PRDM14: variants seen among roughly 807,000 people sequenced by gnomAD.
The protein encoded by PRDM14 is PR/SET domain 14, also known as PR domain zinc finger protein 14.
PRDM14 carries 16 observed loss-of-function variants against 48.0 expected under a neutral mutation model. That is an observed-to-expected ratio of 0.33 (90% confidence interval 0.23 to 0.51). The LOEUF (loss-of-function observed/expected upper bound fraction) is 0.51, where lower values mean the gene tolerates loss of function less well. PRDM14 is among the 20% of genes least tolerant of loss of function. The pLI is 0.97. For synonymous variants in PRDM14, 264 were observed against 276.6 expected (o/e 0.95, Z 0.45); for missense variants, 566 against 719.6 (o/e 0.79, Z 2.44).
chr8:70,069,116 C>T, intron 2 of PRDM14, 45 bp downstream of exon 2: 1 of 1,410,966 alleles, frequency 7.1e-7, no homozygotes, highest in Non-Finnish European at 9.4e-7. Flanking sequence ...TTCCCGCCTG[C>T]ATTCCCGTCC....
At chr8:70,058,563 A>G (rs1220509889) in intron 6 of PRDM14, 77 bp downstream of exon 6, 4 of 1,295,314 alleles carry the variant, frequency 3.1e-6, no homozygotes, top group Non-Finnish European at 4.5e-6. Context: ...AGCACCTACA[A>G]GGCAACTCCC....
At chr8:70,070,257 CCTT>C (rs999754844) in intron 1 of PRDM14, among the ~76,000 whole-genome samples, 5 of 152,152 alleles carry the variant, frequency 3.3e-5, no homozygotes, top group Admixed American at 2.0e-4. Flanking sequence ...CCCTTTCCTT[CCTT>C]CTTCTCAGTC....
At chr8:70,070,920 G>A (rs1805756050) in intron 1 of PRDM14, among the ~76,000 whole-genome samples, 1 of 152,182 alleles carries the variant, frequency 6.6e-6, no homozygotes, top group Non-Finnish European at 1.5e-5. Context: ...ACGGGGTCAG[G>A]AGAAGAGGTC....
At chr8:70,070,538 A>C (rs1805749503) in intron 1 of PRDM14, among the ~76,000 whole-genome samples, 2 of 152,144 alleles carry the variant, frequency 1.3e-5, no homozygotes, top group African/African-American at 4.8e-5. Flanking sequence ...GGCGGTCCTG[A>C]CTGCCCGCAG....
At chr8:70,070,414 G>A (rs1378790139) in intron 1 of PRDM14, among the ~76,000 whole-genome samples, 1 of 152,124 alleles carries the variant, frequency 6.6e-6, no homozygotes, top group Non-Finnish European at 1.5e-5. Flanking sequence ...TGGGAGGGAA[G>A]AGCCGAGGAC....
At chr8:70,059,989 A>G in intron 5 of PRDM14, among the ~76,000 whole-genome samples, 1 of 151,066 alleles carries the variant, frequency 6.6e-6, no homozygotes, top group East Asian at 2.0e-4. Context: ...GCTACTTGGG[A>G]GGCTGAGGCA....
At position 70,052,537 on chromosome 8, in the gene PRDM14, A is replaced by G. The variant is rs77013228; in HGVS notation, c.1489-233T>C. 5.5e-3 allele frequency among the ~76,000 whole-genome samples: 843 copies of G among 152,198 alleles called. 6 individuals carry two copies. The highest frequency in any genetic ancestry group is 0.019 in the African/African-American group (809 of 41,518). On this transcript the variant is annotated intron_variant, in intron 7 of 7. Transcript: ENST00000276594. The stretch of plus-strand genomic sequence containing the variant: ...TGGATGTTAGAACAGTGGTTCTTCA[A>G]TGGCTAGATTATCTGGAGGTCCAGT...
intron 7 of PRDM14, among the ~76,000 whole-genome samples, chr8:70,054,520 T>C (rs940732768): frequency 3.3e-5 from 5 of 149,578 alleles, no homozygotes; most frequent in African/African-American, 1.2e-4. Context: ...TAGTGATTTT[T>C]TTTTTTTTTT....
chr8:70,054,651 TGGGATTACAGGAACGTGCC>T (rs1805443618), intron 7 of PRDM14, among the ~76,000 whole-genome samples: 2 of 102,186 alleles, frequency 2.0e-5, no homozygotes, highest in Admixed American at 1.9e-4. Context: ...CCCAAGTAGC[TGGGATTACAGGAACGTGCC>T]ACCATGCCCA....
chr8:70,057,066 C>T (rs926971391), intron 6 of PRDM14, among the ~76,000 whole-genome samples: 11 of 150,294 alleles, frequency 7.3e-5, no homozygotes, highest in African/African-American at 2.0e-4. Context: ...CCCAGGTTCA[C>T]GCCATTCTCC....
intron 5 of PRDM14, among the ~76,000 whole-genome samples, chr8:70,059,913 G>A (rs1805547096): frequency 1.3e-5 from 2 of 152,014 alleles, no homozygotes; most frequent in South Asian, 4.2e-4. Flanking sequence ...GGCCAACATG[G>A]TGAAATCCCG....
intron 4 of PRDM14, 45 bp downstream of exon 4, chr8:70,068,185 C>A (rs763264401): frequency 5.6e-5 from 90 of 1,610,438 alleles, no homozygotes; most frequent in Non-Finnish European, 1.0e-5. Flanking sequence ...CCGGACTAGT[C>A]TCCCGCCCCA....
chr8:70,063,369 G>A (rs187475821), intron 5 of PRDM14, among the ~76,000 whole-genome samples: 1 of 152,158 alleles, frequency 6.6e-6, no homozygotes, highest in Non-Finnish European at 1.5e-5. Context: ...TGGAGGCAGA[G>A]GTTGCAGTGA....
At chr8:70,070,219 C>T (rs578078551) in intron 1 of PRDM14, among the ~76,000 whole-genome samples, 1 of 152,332 alleles carries the variant, frequency 6.6e-6, no homozygotes, top group East Asian at 1.9e-4. Context: ...CGGCCCCCAA[C>T]CCGGTTCCTG....
chr8:70,051,965 G>T lies in PRDM14; in HGVS notation c.*112C>A. On this transcript the variant is annotated 3_prime_UTR_variant, in exon 8 of 8. Transcript: ENST00000276594. ...TTTTGTATTTTTTTGGTAGAGACAG[G>T]ATTTCACCATGTTGCCCAGGCTGGT... 1 of 714,840 alleles carries T rather than the reference G, an allele frequency of 1.4e-6. No homozygotes were observed. The highest frequency in any genetic ancestry group is 2.3e-6 in the Non-Finnish European group (1 of 431,708). The allele number at this position is 714,840 out of a possible 1,614,324, so 44.3% of individuals were successfully genotyped here. A position where few individuals can be genotyped will look rare whatever the true frequency, so the allele number is the denominator to read the frequency against.
chr8:70,056,795 G>A (rs1159830286), intron 6 of PRDM14, among the ~76,000 whole-genome samples: 1 of 140,486 alleles, frequency 7.1e-6, no homozygotes, highest in African/African-American at 2.7e-5. Flanking sequence ...CTCTAGCCTG[G>A]GCAACAGAGT....
At position 70,060,322 on chromosome 8, in the gene PRDM14, G is replaced by GCTGC. The variant is rs1228210705; in HGVS notation, c.1184-1481_1184-1480insGCAG. 2.0e-5 allele frequency among the ~76,000 whole-genome samples: 3 copies of GCTGC among 149,006 alleles called. No individual in the cohort carries two copies. The South Asian group carries it at 6.4e-4, about 32-fold the overall frequency. The stretch of plus-strand genomic sequence containing the variant: ...GATGGGAGGATCACCTGAGCCTGGG[G>GCTGC]AAGTTAGTTGAGGCTGCAATGAGCA... On this transcript the variant is annotated intron_variant, in intron 5 of 7. Transcript: ENST00000276594.
rs777917348 is a variant in PRDM14 at position 70,069,174 on chromosome 8, G to T, written c.687C>A (p.Pro229=). The T allele has an allele frequency of 6.6e-7, 1 of 1,513,678 alleles. No homozygotes were observed. The highest frequency in any genetic ancestry group is 1.4e-5 in the South Asian group (1 of 71,262). The allele number at this position is 1,513,678 out of a possible 1,614,324, so 93.8% of individuals were successfully genotyped here. ...LHHAISGLLV[P]PDSSGSDSLP... is the part of the protein sequence containing the mutation. Reference sequence around the variant, plus strand: ...AACTCCCTTTACCAGAGCTGTCTGGGGGGACCAGGAGGCCTGAAATCGCAT... The same window carrying T: ...AACTCCCTTTACCAGAGCTGTCTGGTGGGACCAGGAGGCCTGAAATCGCAT... Residue 229 remains proline (P), a synonymous_variant, in exon 2 of 8, where the codon CCC becomes CCA. Coordinates refer to ENST00000276594, the MANE Select transcript of PRDM14 (RefSeq NM_024504.4).
At chr8:70,055,137 T>C (rs528670927) in intron 7 of PRDM14, among the ~76,000 whole-genome samples, 163 bp downstream of exon 7, 2 of 152,336 alleles carry the variant, frequency 1.3e-5, no homozygotes, top group South Asian at 4.1e-4. Flanking sequence ...TATTTGACCA[T>C]CTTTAGCAAA....
Sources: gnomAD v4.1 joint callset for allele counts (sites outside exome capture counted in the v4.1 genomes callset) on GRCh38, gnomAD v4.1.1 for gene constraint, MANE v1.5 for transcripts, NCBI Gene and HGNC (gene_info 2026-07-23, HGNC 2026-07-21) for gene names.